Variants in KCNIP4 observed in about 807,000 individuals in gnomAD.
KCNIP4 encodes the protein Kv channel-interacting protein 4.
A neutral mutation model predicts 34.0 loss-of-function variants in KCNIP4; 12 were observed. The ratio of observed to expected loss-of-function variants is 0.35; its 90% CI spans 0.23 to 0.57. The LOEUF is 0.57. Ranked by LOEUF, KCNIP4 falls within the 20% of genes least tolerant of loss-of-function variation. KCNIP4 has a pLI of 0.83. For missense variants in KCNIP4, 238 were observed against 311.7 expected, an observed-to-expected ratio of 0.76 and a Z score of 1.78; for synonymous variants, 124 against 102.2, an observed-to-expected ratio of 1.21 and a Z score of -1.29.
intron 1 of KCNIP4, among the ~76,000 whole-genome samples, chr4:21,179,942 A>T (rs2109319833): frequency 6.6e-6 from 1 of 152,256 alleles, no homozygotes; most frequent in African/African-American, 2.4e-5. Context: ...ATGCCAGTTC[A>T]TTGAGCCCCC....
chr4:21,900,814 G>C (rs771062229), intron 1 of KCNIP4, among the ~76,000 whole-genome samples: 10 of 152,088 alleles, frequency 6.6e-5, no homozygotes, highest in Non-Finnish European at 1.2e-4. Flanking sequence ...ACATGCTTCA[G>C]ATTCAGATCC....
At chr4:20,963,559 T>C (rs910456908) in intron 1 of KCNIP4, among the ~76,000 whole-genome samples, 2 of 151,856 alleles carry the variant, frequency 1.3e-5, no homozygotes, top group South Asian at 2.1e-4. Flanking sequence ...GTACTATGGA[T>C]TAAAAAAAAA....
intron 1 of KCNIP4, among the ~76,000 whole-genome samples, chr4:21,659,693 A>G (rs1748285387): frequency 1.3e-5 from 2 of 151,934 alleles, no homozygotes; most frequent in African/African-American, 2.4e-5. Flanking sequence ...ATTGATTGTT[A>G]TTATTATTTT....
chr4:21,322,943 A>C lies in KCNIP4; in HGVS notation c.62-440234T>G, dbSNP rs181210410. ...GCAATTTGCCCAAGGCATAACATTT[A>C]GTAAATGTTCAATTAATATGTGCAT... On this transcript the variant is annotated intron_variant, in intron 1 of 8. Coordinates refer to ENST00000382152, the MANE Select transcript of KCNIP4 (RefSeq NM_025221.6). Among the ~76,000 whole-genome samples, 375 of 152,206 alleles carry C rather than the reference A, an allele frequency of 2.5e-3. 1 individual carries two copies. Among genetic ancestry groups the C allele is most frequent in the African/African-American group, 7.4e-3 (309 of 41,550 alleles).
intron 1 of KCNIP4, among the ~76,000 whole-genome samples, chr4:21,809,619 T>C (rs1230305576): frequency 6.6e-6 from 1 of 152,194 alleles, no homozygotes; most frequent in Admixed American, 6.5e-5. Context: ...AGTTATCTAG[T>C]GTAGTGCATG....
At chr4:21,324,580 G>C (rs1462619035) in intron 1 of KCNIP4, among the ~76,000 whole-genome samples, 2 of 151,716 alleles carry the variant, frequency 1.3e-5, no homozygotes, top group Non-Finnish European at 2.9e-5. Context: ...TTTGTTTCTG[G>C]GTTGTCTATT....
intron 1 of KCNIP4, among the ~76,000 whole-genome samples, chr4:21,707,639 G>A (rs1471862682): frequency 2.6e-5 from 4 of 152,130 alleles, no homozygotes; most frequent in South Asian, 4.2e-4. Flanking sequence ...GTGATTAGCT[G>A]AGGGAGAGCC....
intron 1 of KCNIP4, among the ~76,000 whole-genome samples, chr4:21,528,675 CAAAGAAAGAAA>C (rs1736202267): frequency 1.4e-4 from 12 of 84,182 alleles, no homozygotes; most frequent in African/African-American, 5.0e-4. Flanking sequence ...TCATAAAAAA[CAAAGAAAGAAA>C]GAAAGAAAGA....
intron 1 of KCNIP4, among the ~76,000 whole-genome samples, chr4:21,100,816 T>A (rs1747868326): frequency 1.3e-5 from 2 of 152,166 alleles, no homozygotes; most frequent in South Asian, 4.1e-4. Flanking sequence ...TTAAATGCAT[T>A]GGGAAACCAA....
intron 2 of KCNIP4, among the ~76,000 whole-genome samples, chr4:20,879,696 T>G (rs1724465681): frequency 6.6e-6 from 1 of 152,160 alleles, no homozygotes; most frequent in Admixed American, 6.5e-5. Context: ...AAAAGGTATA[T>G]AATTTCGAAG....
intron 1 of KCNIP4, among the ~76,000 whole-genome samples, chr4:20,910,658 G>A (rs1270721081): frequency 2.6e-5 from 4 of 152,146 alleles, no homozygotes; most frequent in Non-Finnish European, 4.4e-5. Flanking sequence ...GTACTTTCAC[G>A]GCAGCCTCTG....
chr4:21,936,817 A>G (rs150198051), intron 1 of KCNIP4, among the ~76,000 whole-genome samples: 3,961 of 152,062 alleles, frequency 0.026, 78 homozygotes, highest in Middle Eastern at 0.051. Context: ...TTTCCCTGTT[A>G]GTTAACAAAT....
At chr4:20,731,615 G>T (rs1017935292) in intron 8 of KCNIP4, 8 of 984,968 alleles carry the variant, frequency 8.1e-6, no homozygotes, top group Non-Finnish European at 8.4e-6. Flanking sequence ...CTGTTGTGAT[G>T]CCATACTTGG....
chr4:21,336,563 T>C (rs1180882268), intron 1 of KCNIP4, among the ~76,000 whole-genome samples: 5 of 152,182 alleles, frequency 3.3e-5, no homozygotes, highest in African/African-American at 1.2e-4. Flanking sequence ...GATTCTTAAA[T>C]ATCAAATTTA....
intron 1 of KCNIP4, among the ~76,000 whole-genome samples, chr4:21,572,975 T>C (rs1740474702): frequency 6.6e-6 from 1 of 152,162 alleles, no homozygotes; most frequent in African/African-American, 2.4e-5. Flanking sequence ...CATGATCTTT[T>C]CCCTATCTCT....
At chr4:20,803,703 A>AAGAGAAAG (rs1290757820) in intron 3 of KCNIP4, among the ~76,000 whole-genome samples, 11 of 125,796 alleles carry the variant, frequency 8.7e-5, no homozygotes, top group Admixed American at 1.7e-4. Context: ...GAGAGAGAGA[A>AAGAGAAAG]AGAGAGAGAG....
intron 1 of KCNIP4, among the ~76,000 whole-genome samples, chr4:21,041,717 C>T (rs930779401): frequency 2.0e-5 from 3 of 152,114 alleles, no homozygotes; most frequent in South Asian, 2.1e-4. Context: ...TAAACTTTTT[C>T]GTTTGGATAG....
intron 1 of KCNIP4, among the ~76,000 whole-genome samples, chr4:21,432,126 AT>A (rs1560399648): frequency 8.4e-6 from 1 of 119,054 alleles, no homozygotes; most frequent in Non-Finnish European, 1.8e-5. Context: ...ATATATATAT[AT>A]ATATATATAT....
chr4:21,494,645 T>C (rs1192684828), intron 1 of KCNIP4, among the ~76,000 whole-genome samples: 1 of 151,784 alleles, frequency 6.6e-6, no homozygotes, highest in Non-Finnish European at 1.5e-5. Flanking sequence ...TGGTGGTGCA[T>C]GCCTGTAGTC....
Sources: gnomAD v4.1 joint callset for allele counts (sites outside exome capture counted in the v4.1 genomes callset) on GRCh38, gnomAD v4.1.1 for gene constraint, MANE v1.5 for transcripts, NCBI Gene and HGNC (gene_info 2026-07-23, HGNC 2026-07-21) for gene names.